DNM3: variants seen among roughly 807,000 people sequenced by gnomAD.
DNM3 encodes the protein dynamin 3.
DNM3 carries 47 observed loss-of-function variants against 101.6 expected under a neutral mutation model. The ratio of observed to expected loss-of-function variants is 0.46; its 90% CI spans 0.37 to 0.59. The LOEUF is 0.59. DNM3 is among the 20% of genes least tolerant of loss of function. The pLI, the probability that DNM3 is intolerant of heterozygous loss-of-function variation, is 0.00. For synonymous variants in DNM3, 385 were observed against 387.9 expected (o/e 0.99, Z 0.09); for missense variants, 849 against 1,085.7 (o/e 0.78, Z 3.06).
intron 11 of DNM3, among the ~76,000 whole-genome samples, chr1:172,075,686 T>C (rs1276630701): frequency 6.6e-6 from 1 of 152,208 alleles, no homozygotes; most frequent in Non-Finnish European, 1.5e-5. Flanking sequence ...TCGGTTTTGG[T>C]ACCAGTACCA....
chr1:172,368,197 A>G (rs2149029965), intron 17 of DNM3, among the ~76,000 whole-genome samples: 1 of 152,066 alleles, frequency 6.6e-6, no homozygotes, highest in South Asian at 2.1e-4. Context: ...CACATGGAAC[A>G]TGCCCCCGGA....
At chr1:172,043,513 A>G (rs1338568355) in intron 8 of DNM3, among the ~76,000 whole-genome samples, 2 of 152,160 alleles carry the variant, frequency 1.3e-5, no homozygotes, top group African/African-American at 2.4e-5. Context: ...AAAGGGTACT[A>G]TGGAAACACA....
At chr1:172,178,017 A>G (rs1443182562) in intron 14 of DNM3, among the ~76,000 whole-genome samples, 1 of 151,926 alleles carries the variant, frequency 6.6e-6, no homozygotes, top group African/African-American at 2.4e-5. Flanking sequence ...ACAAAGCTAG[A>G]TGGTCTAGCC....
At chr1:172,305,821 T>G (rs929917282) in intron 15 of DNM3, among the ~76,000 whole-genome samples, 2 of 152,234 alleles carry the variant, frequency 1.3e-5, no homozygotes, top group Admixed American at 1.3e-4. Flanking sequence ...GGCCTTTGAC[T>G]AAATTCAACA....
chr1:172,234,153 G>A (rs2061445304), intron 14 of DNM3, among the ~76,000 whole-genome samples: 1 of 152,062 alleles, frequency 6.6e-6, no homozygotes, highest in Non-Finnish European at 1.5e-5. Flanking sequence ...CATTGTCTCA[G>A]CCCAAAATCT....
intron 14 of DNM3, among the ~76,000 whole-genome samples, chr1:172,202,385 A>T (rs1199885467): frequency 6.6e-6 from 1 of 152,102 alleles, no homozygotes; most frequent in Non-Finnish European, 1.5e-5. Flanking sequence ...AATTTATGTA[A>T]TAGATCTAGG....
chr1:172,376,931 T>C (rs1009601819), intron 17 of DNM3, among the ~76,000 whole-genome samples: 3 of 152,068 alleles, frequency 2.0e-5, no homozygotes, highest in Admixed American at 6.6e-5. Context: ...TGCAAAAAAG[T>C]GAAGCATGGT....
In DNM3 at chr1:172,319,019, G is replaced by A. The variant is rs866833509; in HGVS notation, c.1882-4310G>A. 7.2e-3 allele frequency among the ~76,000 whole-genome samples: 1,087 copies of A among 152,002 alleles called. 10 individuals are homozygous for A. Among genetic ancestry groups the A allele is most frequent in the African/African-American group, 0.025 (1,030 of 41,474 alleles). On this transcript the variant is annotated intron_variant, in intron 16 of 20. Transcript: ENST00000627582. ...AAGGCTACAGTAACCAAAACAGCAT[G>A]GTACTGGTACCAAAACAGAGATATA...
At chr1:172,395,805 C>A (rs752363736) in intron 20 of DNM3, among the ~76,000 whole-genome samples, 1 of 152,352 alleles carries the variant, frequency 6.6e-6, no homozygotes, top group Non-Finnish European at 1.5e-5. Flanking sequence ...TTAAATCCAT[C>A]TGGCTTACCA....
chr1:171,841,821 A>G lies in DNM3; in HGVS notation c.161+4A>G, dbSNP rs758190686. The G allele has an allele frequency of 6.9e-6, 11 of 1,604,824 alleles. No homozygotes were observed. Among genetic ancestry groups the G allele is most frequent in the South Asian group, 1.1e-5 (1 of 90,066 alleles). The stretch of plus-strand genomic sequence containing the variant: ...TGCTCGAGAACTTCGTGGGCAGGTA[A>G]GCGCGCAGGGCGCGGAGTAAGGATG... On this transcript the variant is annotated splice_donor_region_variant and intron_variant, in intron 1 of 20. Transcript: ENST00000627582.
Position 172,285,189 on chromosome 1 carries a change from T to A in DNM3, c.1770-23539T>A, listed in dbSNP as rs75609615. Among the ~76,000 whole-genome samples the A allele has an allele frequency of 4.0e-3, 612 of 152,288 alleles. 2 individuals are homozygous for A. Among genetic ancestry groups the A allele is most frequent in the African/African-American group, 0.014 (586 of 41,548 alleles). On this transcript the variant is annotated intron_variant, in intron 15 of 20. Coordinates refer to ENST00000627582, the MANE Select transcript of DNM3 (RefSeq NM_015569.5). ...GTGCATGATTTTTTAAAATTGAGAA[T>A]GATATTTTTTCTTTGAAGAGTCGGT...
At position 172,156,782 on chromosome 1, in the gene DNM3, TAGGACATATAAAGCATTAA is replaced by T. The variant is rs2058355892; in HGVS notation, c.1659+25508_1659+25526del. On this transcript the variant is annotated intron_variant, in intron 14 of 20. Coordinates refer to ENST00000627582, the MANE Select transcript of DNM3 (RefSeq NM_015569.5). ...AGGATAGAATGTATGTAAGAGCATT[TAGGACATATAAAGCATTAA>T]AGGACATATAAAGTGCAAAAGACAT... Among the ~76,000 whole-genome samples the T allele has an allele frequency of 3.9e-5, 6 of 152,238 alleles. No homozygotes were observed. In the South Asian group the frequency reaches 1.2e-3, roughly 32 times the overall value.
Position 171,935,386 on chromosome 1 carries a change from G to A in DNM3, c.235+13565G>A, listed in dbSNP as rs187727825. ...AATCACGTAGTATTGTGAGAAAGGT[G>A]AGGAAAATCATGGCTTCTTTTTTAT... On this transcript the variant is annotated intron_variant, in intron 2 of 20. Coordinates refer to ENST00000627582, the MANE Select transcript of DNM3 (RefSeq NM_015569.5). 1.3e-3 allele frequency among the ~76,000 whole-genome samples: 196 copies of A among 152,274 alleles called. 1 individual carries two copies. The highest frequency in any genetic ancestry group is 4.6e-3 in the African/African-American group (191 of 41,548).
intron 17 of DNM3, among the ~76,000 whole-genome samples, chr1:172,331,784 G>T (rs1257052441): frequency 6.6e-6 from 1 of 152,064 alleles, no homozygotes; most frequent in African/African-American, 2.4e-5. Context: ...ACAGAAAAAA[G>T]TTACTATTTT....
chr1:172,011,403 A>G (rs1274572360), intron 4 of DNM3, among the ~76,000 whole-genome samples: 2 of 151,954 alleles, frequency 1.3e-5, no homozygotes, highest in Non-Finnish European at 2.9e-5. Flanking sequence ...TATCTGGCAC[A>G]CTGTCCTGCA....
intron 14 of DNM3, among the ~76,000 whole-genome samples, chr1:172,132,330 TG>T (rs1366051718): frequency 6.6e-6 from 1 of 152,172 alleles, no homozygotes; most frequent in Non-Finnish European, 1.5e-5. Flanking sequence ...ATTGGATAAT[TG>T]GTTGATTGCC....
At chr1:172,416,499 A>G (rs1333171775), downstream of DNM3, among the ~76,000 whole-genome samples, 3 of 152,220 alleles carry the variant, frequency 2.0e-5, no homozygotes, top group Non-Finnish European at 2.9e-5. Flanking sequence ...TGATGTTTCA[A>G]GCAAACATTC....
intron 12 of DNM3, 34 bp from the exon 13 acceptor site, chr1:172,092,790 T>A: frequency 2.6e-6 from 4 of 1,534,320 alleles, no homozygotes; most frequent in South Asian, 1.3e-5. Context: ...ATTATATGTG[T>A]CTCTTCAGTG....
intron 13 of DNM3, among the ~76,000 whole-genome samples, chr1:172,114,331 G>T (rs112454480): frequency 1.3e-5 from 2 of 152,144 alleles, no homozygotes; most frequent in Non-Finnish European, 2.9e-5. Context: ...TAGCCAGTGC[G>T]GCTGAAACAT....
Sources: allele counts gnomAD v4.1 joint callset (sites outside exome capture counted in the v4.1 genomes callset), GRCh38; gene constraint gnomAD v4.1.1; transcripts MANE v1.5; gene names NCBI Gene and HGNC (gene_info 2026-07-23, HGNC 2026-07-21).